MAP3K21: variants seen among roughly 807,000 people sequenced by gnomAD.
The protein encoded by MAP3K21 is mitogen-activated protein kinase kinase kinase 21, also known as mitogen-activated protein kinase kinase kinase MLK4.
In MAP3K21, 63 loss-of-function variants were observed where a neutral mutation model predicts 86.1. The observed-to-expected ratio is 0.73, with a 90% CI of 0.60 to 0.90. MAP3K21 has a LOEUF of 0.90. MAP3K21 is among the 40% of genes least tolerant of loss of function. The pLI is 0.00. For missense variants in MAP3K21, 1,220 were observed against 1,367.7 expected, an observed-to-expected ratio of 0.89 and a Z score of 1.70; for synonymous variants, 558 against 564.8, an observed-to-expected ratio of 0.99 and a Z score of 0.17.
At chr1:233,365,907 A>T (rs1359243927) in intron 5 of MAP3K21, among the ~76,000 whole-genome samples, 1 of 152,236 alleles carries the variant, frequency 6.6e-6, no homozygotes, top group East Asian at 1.9e-4. Flanking sequence ...TTATGGCAAC[A>T]CTATTCACAA....
At chr1:233,335,274 T>G (rs921232605) in intron 1 of MAP3K21, among the ~76,000 whole-genome samples, 2 of 152,148 alleles carry the variant, frequency 1.3e-5, no homozygotes, top group Admixed American at 6.5e-5. Flanking sequence ...ATTTGTACAG[T>G]TGACCCCTTG....
chr1:233,342,347 A>G (rs1008137109), intron 1 of MAP3K21, among the ~76,000 whole-genome samples: 1 of 152,234 alleles, frequency 6.6e-6, no homozygotes, highest in Non-Finnish European at 1.5e-5. Context: ...TGCCTGGTAG[A>G]CTAGTGTCAC....
At chr1:233,337,116 G>T (rs990265408) in intron 1 of MAP3K21, among the ~76,000 whole-genome samples, 10 of 152,152 alleles carry the variant, frequency 6.6e-5, no homozygotes, top group Non-Finnish European at 1.2e-4. Flanking sequence ...TCTGGGGTCG[G>T]CAAATTTCTC....
At chr1:233,362,567 T>C (rs1663485601) in intron 5 of MAP3K21, among the ~76,000 whole-genome samples, 1 of 152,190 alleles carries the variant, frequency 6.6e-6, no homozygotes, top group South Asian at 2.1e-4. Context: ...ACTGATTGAC[T>C]CCTTTTGAAA....
rs757710821 is a variant in MAP3K21, at chr1:233,376,516, TG to T, written c.1915del (p.Asp639ThrfsTer16). 2 of 1,611,452 alleles carry T rather than the reference TG, an allele frequency of 1.2e-6. No homozygotes were observed. The highest frequency in any genetic ancestry group is 2.2e-5 in the South Asian group (2 of 90,914). Reference sequence around the variant, plus strand: ...ACCATGCCCTTGGCTTCATTGTTTGTGGACCAGCCAGGTAAATGTGTTTCAG... The same window carrying T: ...ACCATGCCCTTGGCTTCATTGTTTGTGACCAGCCAGGTAAATGTGTTTCAG... ...QKTMPLASLFVDQPGSCEEPK... is the reference protein window; with the variant it reads ...QKTMPLASLFXDQPGSCEEPK... On this transcript the variant is annotated frameshift_variant, in exon 8 of 10. Transcript: ENST00000366624. LOFTEE classifies it high-confidence loss of function.
At chr1:233,366,699 T>G (rs1256428395) in intron 5 of MAP3K21, among the ~76,000 whole-genome samples, 19 of 152,242 alleles carry the variant, frequency 1.2e-4, no homozygotes. Flanking sequence ...CCTTTAATAT[T>G]TGTGCCTGCA....
chr1:233,351,374 A>G (rs1196940713), intron 2 of MAP3K21, among the ~76,000 whole-genome samples: 1 of 152,112 alleles, frequency 6.6e-6, no homozygotes, highest in Non-Finnish European at 1.5e-5. Context: ...ATTATTTGAT[A>G]GAAGAGTTCA....
At chr1:233,333,755 T>C (rs951540764) in intron 1 of MAP3K21, among the ~76,000 whole-genome samples, 21 of 152,258 alleles carry the variant, frequency 1.4e-4, no homozygotes, top group Non-Finnish European at 8.8e-5. Context: ...ATTTATCTGC[T>C]CTACCCATTT....
At chr1:233,331,110 A>G (rs1361828442) in intron 1 of MAP3K21, among the ~76,000 whole-genome samples, 5 of 152,216 alleles carry the variant, frequency 3.3e-5, no homozygotes, top group Non-Finnish European at 7.3e-5. Flanking sequence ...ACTACTGTGT[A>G]TTCAGTAGAT....
chr1:233,362,251 C>T lies in MAP3K21; in HGVS notation c.1510C>T (p.Arg504Cys). Residue 504 changes from arginine to cysteine, a missense_variant, in exon 5 of 10, where the codon CGT (arginine) becomes TGT (cysteine). Transcript: ENST00000366624. The stretch of plus-strand genomic sequence containing the variant: ...GAGGAAGGGCAAGTTTAAGAGAAGT[C>T]GTTTAAAGCTCAAAGATGGACATCG... ...KKRKGKFKRS[R>C]LKLKDGHRIS... 1 of 1,614,150 alleles carries T rather than the reference C, an allele frequency of 6.2e-7. No homozygotes were observed. The highest frequency in any genetic ancestry group is 1.1e-5 in the South Asian group (1 of 91,050).
chr1:233,378,836 G>C, intron 8 of MAP3K21, 95 bp from the exon 9 acceptor site: 2 of 875,686 alleles, frequency 2.3e-6, no homozygotes, highest in Non-Finnish European at 1.8e-6. Context: ...TTTAAAATAT[G>C]TATTTATTAT....
chr1:233,333,675 A>G (rs1413166891), intron 1 of MAP3K21, among the ~76,000 whole-genome samples: 2 of 152,186 alleles, frequency 1.3e-5, no homozygotes, highest in Non-Finnish European at 2.9e-5. Context: ...TATGCAAAGT[A>G]TCCGTATTTG....
intron 1 of MAP3K21, among the ~76,000 whole-genome samples, chr1:233,336,510 C>T (rs544718746): frequency 7.3e-4 from 110 of 151,414 alleles, no homozygotes; most frequent in African/African-American, 2.5e-3. Context: ...CACTGCACTC[C>T]AGCCTGGGTA....
At chr1:233,337,475 G>A (rs981963446) in intron 1 of MAP3K21, among the ~76,000 whole-genome samples, 11 of 152,202 alleles carry the variant, frequency 7.2e-5, no homozygotes, top group African/African-American at 2.7e-4. Flanking sequence ...AATGTTGTGT[G>A]TGTGTGAACT....
chr1:233,361,982 T>C (rs1055016021), intron 4 of MAP3K21, 71 bp from the exon 5 acceptor site: 93 of 1,549,022 alleles, frequency 6.0e-5, no homozygotes, highest in Admixed American at 3.8e-5. Flanking sequence ...GGGTCGCCAG[T>C]GTAGTGTAAT....
intron 1 of MAP3K21, among the ~76,000 whole-genome samples, chr1:233,341,729 G>A (rs1004181013): frequency 5.9e-5 from 9 of 152,108 alleles, no homozygotes; most frequent in South Asian, 2.1e-4. Context: ...CCTTACTTGG[G>A]GTCTGGGTGT....
intron 4 of MAP3K21, among the ~76,000 whole-genome samples, chr1:233,357,868 G>A (rs954797940): frequency 2.0e-5 from 3 of 152,198 alleles, no homozygotes; most frequent in East Asian, 1.9e-4. Context: ...CCAAGTCAAC[G>A]ACTTGCTAGC....
chr1:233,368,739 C>T (rs1663628738), intron 5 of MAP3K21, among the ~76,000 whole-genome samples: 1 of 152,220 alleles, frequency 6.6e-6, no homozygotes, highest in African/African-American at 2.4e-5. Context: ...TCCAAATCTC[C>T]TCCAGCCTGC....
intron 4 of MAP3K21, among the ~76,000 whole-genome samples, chr1:233,358,326 G>C (rs552340094): frequency 6.6e-6 from 1 of 152,242 alleles, no homozygotes; most frequent in African/African-American, 2.4e-5. Context: ...GGCTTTCTTG[G>C]AAAACTGGCT....
Sources: gnomAD v4.1 joint callset for allele counts (sites outside exome capture counted in the v4.1 genomes callset) on GRCh38, gnomAD v4.1.1 for gene constraint, MANE v1.5 for transcripts, NCBI Gene and HGNC (gene_info 2026-07-23, HGNC 2026-07-21) for gene names.